MTA3: variants seen among roughly 807,000 people sequenced by gnomAD.
The protein encoded by MTA3 is metastasis-associated protein MTA3.
MTA3 carries 34 observed loss-of-function variants against 83.5 expected under a neutral mutation model. The ratio of observed to expected loss-of-function variants is 0.41; its 90% confidence interval spans 0.31 to 0.54. The LOEUF (loss-of-function observed/expected upper bound fraction) is 0.54. Among genes scored for constraint, MTA3 ranks in the 20% least tolerant of loss-of-function variants. MTA3 has a pLI of 0.33. For missense variants in MTA3, 761 were observed against 726.4 expected (o/e 1.05, Z -0.55); for synonymous variants, 303 against 252.7 (o/e 1.20, Z -1.89).
intron 7 of MTA3, chr2:42,659,527 A>G (rs1020037791): frequency 4.4e-5 from 9 of 205,326 alleles, no homozygotes; most frequent in Non-Finnish European, 8.7e-5. Flanking sequence ...TGCACAGGCT[A>G]TTTTTTTTCT....
chr2:42,641,754 T>C (rs1687715112), intron 5 of MTA3, among the ~76,000 whole-genome samples: 1 of 151,974 alleles, frequency 6.6e-6, no homozygotes, highest in Admixed American at 6.6e-5. Context: ...TAATCCCAGC[T>C]ACTTGGGAGG....
At chr2:42,610,111 GA>G (rs555778046) in intron 4 of MTA3, among the ~76,000 whole-genome samples, 14 of 151,126 alleles carry the variant, frequency 9.3e-5, no homozygotes, top group Admixed American at 6.6e-4. Context: ...AAAAACAAAC[GA>G]AAAAAAACAA....
At chr2:42,548,032 C>T (rs1198119956) in intron 2 of MTA3, among the ~76,000 whole-genome samples, 3 of 152,150 alleles carry the variant, frequency 2.0e-5, no homozygotes, top group Non-Finnish European at 4.4e-5. Context: ...GATAAGCTGC[C>T]CTGTGGTCCT....
Position 42,740,555 on chromosome 2 carries a change from G to A in MTA3, c.1760-12819G>A, listed in dbSNP as rs531122865. Among the ~76,000 whole-genome samples the A allele has an allele frequency of 6.6e-5, 10 of 152,314 alleles. No individual in the cohort carries two copies. The South Asian group carries it at 1.9e-3, about 28-fold the overall frequency. On this transcript the variant is annotated intron_variant, in intron 16 of 16. Coordinates refer to ENST00000405094, the MANE Select transcript of MTA3 (RefSeq NM_001330442.2). ...AATGAATCCATTCATTCATCCATCC[G>A]TTCATCCATCCTAGAATGGATAATA... is the stretch of plus-strand genomic sequence containing the variant.
chr2:42,701,138 A>G (rs1693824122), intron 11 of MTA3, among the ~76,000 whole-genome samples: 1 of 151,898 alleles, frequency 6.6e-6, no homozygotes. Flanking sequence ...ATACATTTTT[A>G]TAATTATCTA....
At chr2:42,605,889 G>C (rs570328580) in intron 3 of MTA3, among the ~76,000 whole-genome samples, 5 of 113,936 alleles carry the variant, frequency 4.4e-5, no homozygotes, top group African/African-American at 1.0e-4. Flanking sequence ...CGGGCAGAGG[G>C]GCTCCTCACT....
chr2:42,653,295 G>A (rs1688879403), intron 6 of MTA3, among the ~76,000 whole-genome samples: 1 of 152,120 alleles, frequency 6.6e-6, no homozygotes, highest in Non-Finnish European at 1.5e-5. Flanking sequence ...CATACGTGGA[G>A]GAGGAAGGGG....
intron 16 of MTA3, among the ~76,000 whole-genome samples, chr2:42,731,609 A>T (rs976619974): frequency 9.2e-5 from 14 of 152,156 alleles, no homozygotes; most frequent in African/African-American, 3.1e-4. Context: ...CTCCCACAAC[A>T]CATGGGAATT....
At chr2:42,712,789 G>A (rs1439393704) in intron 14 of MTA3, 1 of 151,934 alleles carries the variant, frequency 6.6e-6, no homozygotes, top group African/African-American at 2.4e-5. Flanking sequence ...ATATGGGGAA[G>A]ATAATCATGG....
In MTA3 at chr2:42,754,524, A is replaced by G. The variant is rs529429928; in HGVS notation, c.*1125A>G. The G allele has an allele frequency of 2.5e-5, 25 of 983,216 alleles. 1 individual carries two copies. In the South Asian group the frequency reaches 1.2e-3, roughly 46 times the overall value. 60.9% of individuals were successfully genotyped at this position (983,216 alleles called of 1,614,324 possible). A position where few individuals can be genotyped will look rare whatever the true frequency, so the allele number is the denominator to read the frequency against. Reference sequence around the variant, plus strand: ...CACAGTTGGCCACTCAGCTGTGCTGAGTAGCTGTGCTACTTGTGCTGGCAG... The same window carrying G: ...CACAGTTGGCCACTCAGCTGTGCTGGGTAGCTGTGCTACTTGTGCTGGCAG... On this transcript the variant is annotated 3_prime_UTR_variant, in exon 17 of 17. Coordinates refer to ENST00000405094, the MANE Select transcript of MTA3 (RefSeq NM_001330442.2).
intron 9 of MTA3, among the ~76,000 whole-genome samples, chr2:42,686,742 G>A (rs558671815): frequency 2.0e-5 from 3 of 152,008 alleles, no homozygotes; most frequent in Admixed American, 6.6e-5. Context: ...CAGGAGAATC[G>A]CTGGAACCCA....
intron 16 of MTA3, among the ~76,000 whole-genome samples, chr2:42,732,531 C>G (rs1283009869): frequency 6.6e-6 from 1 of 152,206 alleles, no homozygotes; most frequent in African/African-American, 2.4e-5. Context: ...ATGGAAGGGA[C>G]TGCTGTGAAG....
intron 2 of MTA3, among the ~76,000 whole-genome samples, chr2:42,561,614 A>G (rs951955140): frequency 1.1e-4 from 16 of 152,072 alleles, no homozygotes; most frequent in African/African-American, 3.9e-4. Context: ...TGAGCCACCG[A>G]GCCCGGCCCC....
At chr2:42,656,737 A>T (rs1287811298) in intron 7 of MTA3, among the ~76,000 whole-genome samples, 1 of 152,180 alleles carries the variant, frequency 6.6e-6, no homozygotes, top group Non-Finnish European at 1.5e-5. Flanking sequence ...AGAGCTTTCA[A>T]CCTGGCTACC....
chr2:42,557,775 T>C (rs1240301789), intron 2 of MTA3, among the ~76,000 whole-genome samples: 1 of 152,162 alleles, frequency 6.6e-6, no homozygotes, highest in Non-Finnish European at 1.5e-5. Flanking sequence ...CTGTCTCTTA[T>C]AGAAAGGGCA....
intron 7 of MTA3, among the ~76,000 whole-genome samples, chr2:42,657,355 C>CCT (rs1474785054): frequency 6.6e-6 from 1 of 152,134 alleles, no homozygotes; most frequent in African/African-American, 2.4e-5. Context: ...GAGCCCATCA[C>CCT]CTAACTACTA....
chr2:42,615,068 A>G (rs988590575), intron 4 of MTA3, among the ~76,000 whole-genome samples: 3 of 151,654 alleles, frequency 2.0e-5, no homozygotes, highest in Non-Finnish European at 4.4e-5. Flanking sequence ...AGGCAGGTGG[A>G]TCAACTGAGG....
chr2:42,694,955 A>G (rs1693241839), intron 9 of MTA3, among the ~76,000 whole-genome samples: 1 of 152,076 alleles, frequency 6.6e-6, no homozygotes, highest in Non-Finnish European at 1.5e-5. Flanking sequence ...CCTGGGCAAC[A>G]TAGGGAGACC....
chr2:42,679,837 G>T lies in MTA3; in HGVS notation c.703-2564G>T, dbSNP rs76086885. On this transcript the variant is annotated intron_variant, in intron 8 of 16. Transcript: ENST00000405094. Reference sequence around the variant, plus strand: ...AAGGTAATGAATTAGATGGCTGTGTGTTGTTTTTTTTTTTCCCCACTTTGG... The same window carrying T: ...AAGGTAATGAATTAGATGGCTGTGTTTTGTTTTTTTTTTTCCCCACTTTGG... Among the ~76,000 whole-genome samples, 13 of 139,562 alleles carry T rather than the reference G, an allele frequency of 9.3e-5. No individual in the cohort carries two copies. In the South Asian group the frequency reaches 1.1e-3, roughly 12 times the overall value. 91.6% of individuals were successfully genotyped at this position (139,562 alleles called of 152,430 possible). A position where few individuals can be genotyped will look rare whatever the true frequency, so the allele number is the denominator to read the frequency against.
Sources: gnomAD v4.1 joint callset for allele counts (sites outside exome capture counted in the v4.1 genomes callset) on GRCh38, gnomAD v4.1.1 for gene constraint, MANE v1.5 for transcripts, NCBI Gene and HGNC (gene_info 2026-07-23, HGNC 2026-07-21) for gene names.